Variants in PCDHA8 observed in about 807,000 individuals in gnomAD.
PCDHA8 encodes protocadherin alpha-8.
A neutral mutation model predicts 61.8 loss-of-function variants in PCDHA8; 53 were observed. The observed-to-expected ratio is 0.86, with a 90% CI of 0.69 to 1.08. The LOEUF is 1.08. Ranked by LOEUF, PCDHA8 falls within the 50% of genes least tolerant of loss-of-function variation. The pLI, the probability that PCDHA8 is intolerant of heterozygous loss-of-function variation, is 0.00. For missense variants in PCDHA8, 1,293 were observed against 1,245.0 expected (o/e 1.04, Z -0.58); for synonymous variants, 618 against 556.6 (o/e 1.11, Z -1.55).
At chr5:140,860,393 A>C (rs1463611060) in intron 1 of PCDHA8, 1 of 152,136 alleles carries the variant, frequency 6.6e-6, no homozygotes, top group Non-Finnish European at 1.5e-5. Flanking sequence ...AAATTGAAAA[A>C]AGCAAAAGCA....
chr5:140,925,061 C>T (rs968376229), intron 1 of PCDHA8, among the ~76,000 whole-genome samples: 2 of 147,510 alleles, frequency 1.4e-5, no homozygotes, highest in Non-Finnish European at 3.0e-5. Context: ...GACTGGGCAA[C>T]AAAGCAACAC....
At chr5:140,887,461 T>C (rs2061460929) in intron 1 of PCDHA8, among the ~76,000 whole-genome samples, 1 of 152,226 alleles carries the variant, frequency 6.6e-6, no homozygotes, top group African/African-American at 2.4e-5. Flanking sequence ...TTTTAAAAGA[T>C]ATAATTCAGT....
At chr5:140,958,069 A>C (rs2095407625) in intron 1 of PCDHA8, among the ~76,000 whole-genome samples, 1 of 152,104 alleles carries the variant, frequency 6.6e-6, no homozygotes. Flanking sequence ...AAAAACACAG[A>C]AGCAAAAAGT....
chr5:140,966,488 C>G (rs1161799910), intron 1 of PCDHA8: 7 of 440,132 alleles, frequency 1.6e-5, no homozygotes, highest in East Asian at 1.1e-4. Context: ...TTTCCCTCCC[C>G]CTGGAGCTGT....
At chr5:140,862,926 G>C in intron 1 of PCDHA8, 1 of 546,060 alleles carries the variant, frequency 1.8e-6, no homozygotes, top group South Asian at 1.4e-5. Context: ...GGGTGGGCTG[G>C]CGGCGCTGTG....
At chr5:140,859,740 G>A (rs2045997689) in intron 1 of PCDHA8, 1 of 154,064 alleles carries the variant, frequency 6.5e-6, no homozygotes. Flanking sequence ...ATTTAAGCAT[G>A]GCATTCTTTC....
In PCDHA8 at chr5:141,010,093, T is replaced by A. The variant is rs2098416026; in HGVS notation, c.*156T>A. On this transcript the variant is annotated 3_prime_UTR_variant, in exon 4 of 4. Transcript: ENST00000531613. The stretch of plus-strand genomic sequence containing the variant: ...TTCCCTGTGTCTGTCTAGAACGCAT[T>A]TAACAGGTTTTGTCGTAAAAGCTTT... 4 of 1,612,692 alleles carry A rather than the reference T, an allele frequency of 2.5e-6. No homozygotes were observed. Among genetic ancestry groups the A allele is most frequent in the Non-Finnish European group, 3.4e-6 (4 of 1,179,392 alleles).
chr5:140,997,781 C>G (rs1207024588), intron 3 of PCDHA8, among the ~76,000 whole-genome samples: 1 of 151,626 alleles, frequency 6.6e-6, no homozygotes, highest in Non-Finnish European at 1.5e-5. Context: ...TGTTGTATAC[C>G]TATATTATAA....
intron 3 of PCDHA8, 42 bp from the exon 4 acceptor site, chr5:141,009,585 T>C: frequency 6.3e-7 from 1 of 1,592,908 alleles, no homozygotes; most frequent in Non-Finnish European, 8.6e-7. Flanking sequence ...ATCAAGAGCA[T>C]GTGTTGACCC....
chr5:140,877,415 T>A (rs1554169714), intron 1 of PCDHA8: 3 of 1,613,882 alleles, frequency 1.9e-6, no homozygotes, highest in Non-Finnish European at 2.5e-6. Flanking sequence ...CACCGCCTGC[T>A]GGTGCTGGTG....
chr5:140,934,703 A>G (rs1348150058), intron 1 of PCDHA8, among the ~76,000 whole-genome samples: 1 of 152,156 alleles, frequency 6.6e-6, no homozygotes, highest in Non-Finnish European at 1.5e-5. Flanking sequence ...ATTCCTGGCC[A>G]TCTTACAAAA....
At chr5:140,869,418 C>G in intron 1 of PCDHA8, 1 of 1,614,174 alleles carries the variant, frequency 6.2e-7, no homozygotes, top group Non-Finnish European at 8.5e-7. Flanking sequence ...GCAGCATCCA[C>G]CTGGAGGTGA....
chr5:140,883,297 A>G (rs782572580), intron 1 of PCDHA8: 2 of 1,614,132 alleles, frequency 1.2e-6, no homozygotes, highest in Non-Finnish European at 1.7e-6. Flanking sequence ...TACTAGATGT[A>G]AATGATAACG....
At chr5:140,940,566 G>T (rs1226026261) in intron 1 of PCDHA8, among the ~76,000 whole-genome samples, 1 of 151,754 alleles carries the variant, frequency 6.6e-6, no homozygotes, top group African/African-American at 2.4e-5. Flanking sequence ...CTCCTACCTT[G>T]GCTCCCAAAG....
At chr5:141,007,970 T>C (rs986378123) in intron 3 of PCDHA8, among the ~76,000 whole-genome samples, 3 of 152,248 alleles carry the variant, frequency 2.0e-5, no homozygotes, top group Admixed American at 6.5e-5. Flanking sequence ...TCTGGGTGTC[T>C]GTCATGTATA....
intron 1 of PCDHA8, among the ~76,000 whole-genome samples, chr5:140,900,317 G>A (rs188830675): frequency 3.3e-4 from 50 of 151,512 alleles, no homozygotes; most frequent in Non-Finnish European, 6.2e-4. Context: ...CACTTTTGTC[G>A]CCCAGGCTGG....
intron 1 of PCDHA8, among the ~76,000 whole-genome samples, chr5:140,922,883 T>A (rs963654982): frequency 2.6e-5 from 4 of 152,134 alleles, no homozygotes; most frequent in Admixed American, 2.0e-4. Flanking sequence ...TCCAAAGACA[T>A]CATTCAAGAA....
intron 1 of PCDHA8, chr5:140,883,245 G>A (rs267600403): frequency 6.2e-7 from 1 of 1,613,898 alleles, no homozygotes; most frequent in Non-Finnish European, 8.5e-7. Flanking sequence ...GTTGACAAAG[G>A]AAATATTCCA....
intron 3 of PCDHA8, among the ~76,000 whole-genome samples, chr5:140,998,139 G>C (rs1354714500): frequency 2.0e-5 from 3 of 152,176 alleles, no homozygotes; most frequent in Non-Finnish European, 4.4e-5. Flanking sequence ...TAGCTAACCT[G>C]TACTGAACAG....
Sources: gnomAD v4.1 joint callset for allele counts (sites outside exome capture counted in the v4.1 genomes callset) on GRCh38, gnomAD v4.1.1 for gene constraint, MANE v1.5 for transcripts, NCBI Gene and HGNC (gene_info 2026-07-23, HGNC 2026-07-21) for gene names.